The following SPP2 variants were observed in gnomAD, a reference collection of about 807,000 sequenced individuals.
SPP2 encodes secreted phosphoprotein 2.
SPP2 carries 34 observed loss-of-function variants against 28.8 expected under a neutral mutation model. That is an observed-to-expected ratio of 1.18 (90% CI 0.90 to 1.57). SPP2 has a LOEUF of 1.57. Among genes scored for constraint, SPP2 ranks in the 40% most tolerant of loss-of-function variants. The probability of loss-of-function intolerance (pLI) is 0.00; values close to 1 mark genes in which losing one functional copy is unlikely to be tolerated. For missense variants in SPP2, 269 were observed against 263.9 expected (o/e 1.02, Z -0.13); for synonymous variants, 96 against 89.4 (o/e 1.07, Z -0.42).
At position 234,060,493 on chromosome 2, in the gene SPP2, C is replaced by CT. The variant is rs146394550; in HGVS notation, c.444+16dup. 1,435 of 1,599,920 alleles carry CT rather than the reference C, an allele frequency of 9.0e-4. 16 individuals carry two copies. The African/African-American group carries it at 0.017, about 19-fold the overall frequency. On this transcript the variant is annotated intron_variant, in intron 4 of 7. Transcript: ENST00000168148. ...AGCAGCGAAGAGGTATGACTGGGGC[C>CT]TTGTCTCCTCCCAGACCGCACCTCT...
chr2:234,055,981 T>C (rs1693599744), intron 2 of SPP2: 2 of 152,202 alleles, frequency 1.3e-5, no homozygotes, highest in African/African-American at 2.4e-5. Flanking sequence ...ACATGTGCTA[T>C]GTTGGTGTGC....
Position 234,065,006 on chromosome 2 carries a change from C to T in SPP2, c.445-1527C>T, listed in dbSNP as rs376439801. ...CTATCATAGATAATGAGGCTAGAAG[C>T]ATTCATGTGCAAGTTTTTGTGTACA... On this transcript the variant is annotated intron_variant, in intron 4 of 7. Transcript: ENST00000168148. 1.5e-3 allele frequency among the ~76,000 whole-genome samples: 233 copies of T among 152,322 alleles called. 1 individual carries two copies. Among genetic ancestry groups the T allele is most frequent in the African/African-American group, 5.4e-3 (225 of 41,568 alleles).
intron 4 of SPP2, among the ~76,000 whole-genome samples, chr2:234,061,791 C>T (rs1693724268): frequency 6.6e-6 from 1 of 152,146 alleles, no homozygotes; most frequent in East Asian, 1.9e-4. Flanking sequence ...AGGACTTTCT[C>T]CACAAAAAGT....
chr2:234,068,473 A>G (rs1466344560), intron 6 of SPP2, among the ~76,000 whole-genome samples: 1 of 152,202 alleles, frequency 6.6e-6, no homozygotes, highest in Non-Finnish European at 1.5e-5. Context: ...AAAATGAATA[A>G]CAGAGATATT....
intron 4 of SPP2, among the ~76,000 whole-genome samples, chr2:234,060,747 GCACA>G (rs58407806): frequency 4.7e-5 from 7 of 148,738 alleles, no homozygotes; most frequent in Non-Finnish European, 1.0e-4. Context: ...ACACACACAC[GCACA>G]CACACACACA....
At chr2:234,072,549 A>C (rs1690813846) in intron 7 of SPP2, among the ~76,000 whole-genome samples, 1 of 152,224 alleles carries the variant, frequency 6.6e-6, no homozygotes, top group Non-Finnish European at 1.5e-5. Context: ...TTTATGAAGA[A>C]ATTGATCACT....
At chr2:234,064,521 T>C (rs1693780086) in intron 4 of SPP2, among the ~76,000 whole-genome samples, 1 of 152,182 alleles carries the variant, frequency 6.6e-6, no homozygotes, top group South Asian at 2.1e-4. Context: ...TATTTACTTG[T>C]GTACAATGTG....
In SPP2 at chr2:234,053,327, GA is replaced by G. The variant is rs575353321; in HGVS notation, c.210+2234del. Among the ~76,000 whole-genome samples, 18 of 152,226 alleles carry G rather than the reference GA, an allele frequency of 1.2e-4. 1 individual carries two copies. The South Asian group carries it at 3.5e-3, about 30-fold the overall frequency. ...TTCAATTGCATAGTTTCACTTCTAA[GA>G]ATATGTTCAAAGCAAATAAGTGGTT... On this transcript the variant is annotated intron_variant, in intron 2 of 7. Coordinates refer to ENST00000168148, the MANE Select transcript of SPP2 (RefSeq NM_006944.3).
chr2:234,054,256 T>C, intron 2 of SPP2, among the ~76,000 whole-genome samples: 1 of 151,294 alleles, frequency 6.6e-6, no homozygotes, highest in East Asian at 1.9e-4. Flanking sequence ...AAGGTGGGAG[T>C]GGAGAGCGGT....
In SPP2 at chr2:234,054,474, C is replaced by T. The variant is rs892507317; in HGVS notation, c.210+3379C>T. On this transcript the variant is annotated intron_variant, in intron 2 of 7. Transcript: ENST00000168148. The stretch of plus-strand genomic sequence containing the variant: ...AAACACCAATTTATTTCTCAGAATT[C>T]AGGAGGCTGAGATCTGGGATGAGGG... Among the ~76,000 whole-genome samples, 4 of 152,228 alleles carry T rather than the reference C, an allele frequency of 2.6e-5. No individual in the cohort carries two copies. In the South Asian group the frequency reaches 8.3e-4, roughly 32 times the overall value.
chr2:234,054,167 G>A (rs577268239), intron 2 of SPP2, among the ~76,000 whole-genome samples: 276 of 152,298 alleles, frequency 1.8e-3, no homozygotes, highest in Admixed American at 3.5e-3. Context: ...GGGTGAGCTG[G>A]CAGAGTCAGT....
chr2:234,050,959 T>C lies in SPP2; in HGVS notation c.86-12T>C, dbSNP rs1204279598. ...TCTTGTCTCACTGTGCCCCATGTGC[T>C]TGCGTGTCCAGGTTTCCCAGTGTAC... On this transcript the variant is annotated splice_polypyrimidine_tract_variant and intron_variant, in intron 1 of 7. Transcript: ENST00000168148. 1 of 1,613,904 alleles carries C rather than the reference T, an allele frequency of 6.2e-7. No individual in the cohort carries two copies. The highest frequency in any genetic ancestry group is 8.5e-7 in the Non-Finnish European group (1 of 1,179,926).
chr2:234,061,691 A>G (rs1165207373), intron 4 of SPP2, among the ~76,000 whole-genome samples: 3 of 152,234 alleles, frequency 2.0e-5, no homozygotes. Context: ...GGTACATTTT[A>G]GAATTAGAAA....
intron 6 of SPP2, among the ~76,000 whole-genome samples, chr2:234,068,217 AC>A (rs1693866119): frequency 6.6e-6 from 1 of 152,188 alleles, no homozygotes; most frequent in Non-Finnish European, 1.5e-5. Flanking sequence ...CAAATTGTCT[AC>A]CCTGTACTAA....
chr2:234,061,113 G>T (rs1171544955), intron 4 of SPP2, among the ~76,000 whole-genome samples: 1 of 152,102 alleles, frequency 6.6e-6, no homozygotes, highest in East Asian at 1.9e-4. Flanking sequence ...CTCAATGGAT[G>T]GCAGGACCCT....
At chr2:234,074,967 A>G (rs1353784980) in intron 7 of SPP2, among the ~76,000 whole-genome samples, 1 of 149,406 alleles carries the variant, frequency 6.7e-6, no homozygotes, top group African/African-American at 2.5e-5. Context: ...GCTATTTTAA[A>G]CAGTGACGTC....
intron 7 of SPP2, 65 bp downstream of exon 7, chr2:234,070,088 A>G: frequency 7.6e-7 from 1 of 1,322,426 alleles, no homozygotes; most frequent in Non-Finnish European, 1.1e-6. Flanking sequence ...GAACGCCTTA[A>G]AACTGCTGAC....
At chr2:234,068,555 A>G (rs1693872794) in intron 6 of SPP2, among the ~76,000 whole-genome samples, 1 of 152,154 alleles carries the variant, frequency 6.6e-6, no homozygotes, top group Admixed American at 6.5e-5. Flanking sequence ...TAGAGCTTAT[A>G]ACCTGATGCT....
intron 2 of SPP2, among the ~76,000 whole-genome samples, chr2:234,054,499 G>T (rs533318666): frequency 4.6e-5 from 7 of 152,282 alleles, no homozygotes; most frequent in African/African-American, 1.7e-4. Context: ...TGGGATGAGG[G>T]TGCCAGCATG....
Sources: allele counts gnomAD v4.1 joint callset (sites outside exome capture counted in the v4.1 genomes callset), GRCh38; gene constraint gnomAD v4.1.1; transcripts MANE v1.5; gene names NCBI Gene and HGNC (gene_info 2026-07-23, HGNC 2026-07-21).